HMBOX1: variants seen among roughly 807,000 people sequenced by gnomAD.
The protein encoded by HMBOX1 is homeobox-containing protein 1.
Under a neutral mutation model 54.5 loss-of-function variants are expected in HMBOX1, and 14 were observed. The observed-to-expected ratio is 0.26, with a 90% CI of 0.17 to 0.40. The LOEUF is 0.40. Among genes scored for constraint, HMBOX1 ranks in the 10% least tolerant of loss-of-function variants. The pLI, the probability that HMBOX1 is intolerant of heterozygous loss-of-function variation, is 1.00. For missense variants in HMBOX1, 332 were observed against 514.4 expected (o/e 0.65, Z 3.43); for synonymous variants, 160 against 181.0 (o/e 0.88, Z 0.93).
chr8:29,038,182 G>T (rs1222777888), intron 6 of HMBOX1, among the ~76,000 whole-genome samples: 1 of 151,924 alleles, frequency 6.6e-6, no homozygotes, highest in African/African-American at 2.4e-5. Flanking sequence ...AGTGGTTCAA[G>T]GACATTTCCA....
At chr8:28,980,183 G>C in intron 4 of HMBOX1, 27 bp downstream of exon 4, 1 of 1,506,096 alleles carries the variant, frequency 6.6e-7, no homozygotes, top group South Asian at 1.1e-5. Flanking sequence ...CCTTTATTCT[G>C]GAATCATGTG....
rs536086170 is a variant in HMBOX1, at chr8:28,967,346, A to G, written c.24-2697A>G. 6.4e-4 allele frequency among the ~76,000 whole-genome samples: 97 copies of G among 152,332 alleles called. 1 individual carries two copies. Among genetic ancestry groups the G allele is most frequent in the South Asian group, 1.7e-3 (8 of 4,826 alleles). ...GGAATAAAAGTGGTTCTAATAGTCA[A>G]TGAATCTGAAATGACACAAAATATT... On this transcript the variant is annotated intron_variant, in intron 2 of 9. Coordinates refer to ENST00000287701, the MANE Select transcript of HMBOX1 (RefSeq NM_001135726.3).
At chr8:29,031,752 G>A (rs528879917) in intron 6 of HMBOX1, among the ~76,000 whole-genome samples, 20 of 152,218 alleles carry the variant, frequency 1.3e-4, no homozygotes, top group African/African-American at 3.6e-4. Context: ...ACTGTGCCCC[G>A]TGCTGAGGAG....
intron 1 of HMBOX1, among the ~76,000 whole-genome samples, chr8:28,947,822 C>T (rs1039344314): frequency 6.6e-6 from 1 of 152,158 alleles, no homozygotes; most frequent in Non-Finnish European, 1.5e-5. Flanking sequence ...ACAGCTCTAA[C>T]CATATTGTCT....
intron 2 of HMBOX1, among the ~76,000 whole-genome samples, chr8:28,966,648 T>C (rs536811787): frequency 6.6e-6 from 1 of 152,320 alleles, no homozygotes; most frequent in East Asian, 1.9e-4. Flanking sequence ...CCTTTGTTTA[T>C]ATTAATACAC....
chr8:29,002,828 G>A (rs1832847395), intron 4 of HMBOX1, among the ~76,000 whole-genome samples: 1 of 152,120 alleles, frequency 6.6e-6, no homozygotes, highest in Admixed American at 6.6e-5. Flanking sequence ...ATATATGCTT[G>A]GAGTGATGAT....
chr8:28,960,789 T>G (rs1444013291), intron 1 of HMBOX1, among the ~76,000 whole-genome samples: 34 of 94,708 alleles, frequency 3.6e-4, no homozygotes, highest in African/African-American at 8.8e-4. Flanking sequence ...TTTTTTTTTT[T>G]TTTTTTTTTT....
intron 4 of HMBOX1, among the ~76,000 whole-genome samples, chr8:29,005,842 G>C (rs1833375567): frequency 6.6e-6 from 1 of 152,026 alleles, no homozygotes; most frequent in Non-Finnish European, 1.5e-5. Flanking sequence ...TATGGCTTTT[G>C]TGTATGTGTG....
intron 6 of HMBOX1, among the ~76,000 whole-genome samples, chr8:29,029,902 T>C (rs1173574075): frequency 1.3e-5 from 2 of 152,132 alleles, no homozygotes; most frequent in Non-Finnish European, 2.9e-5. Context: ...TTTGTACTTC[T>C]TGTTTCTCTT....
intron 9 of HMBOX1, chr8:29,050,314 GCC>G: frequency 1.5e-5 from 10 of 675,418 alleles, no homozygotes; most frequent in Non-Finnish European, 1.8e-5. Context: ...ATCCTGCAAT[GCC>G]AGCTTCCTTC....
intron 1 of HMBOX1, among the ~76,000 whole-genome samples, chr8:28,893,873 T>G (rs570560382): frequency 6.6e-6 from 1 of 152,342 alleles, no homozygotes; most frequent in Non-Finnish European, 1.5e-5. Flanking sequence ...CCGTGCAATT[T>G]AGTTCTGTTC....
chr8:28,928,060 G>A (rs1304545630), intron 1 of HMBOX1, among the ~76,000 whole-genome samples: 2 of 150,456 alleles, frequency 1.3e-5, no homozygotes, highest in East Asian at 2.0e-4. Context: ...ACTTGAACTC[G>A]GGAGGTGGAG....
intron 6 of HMBOX1, among the ~76,000 whole-genome samples, chr8:29,024,330 G>A (rs1801677846): frequency 6.6e-6 from 1 of 152,130 alleles, no homozygotes; most frequent in African/African-American, 2.4e-5. Context: ...AATGTTAGGA[G>A]CATTCTTACT....
intron 1 of HMBOX1, among the ~76,000 whole-genome samples, chr8:28,960,754 TTTTTCTTTTTC>T (rs1241705631): frequency 0.11 from 2,224 of 20,560 alleles, 44 homozygotes; most frequent in East Asian, 0.14. Flanking sequence ...TCTCTTTTTC[TTTTTCTTTTTC>T]TTTTTTTTTT....
intron 4 of HMBOX1, among the ~76,000 whole-genome samples, chr8:29,003,328 G>C (rs1034086330): frequency 6.6e-6 from 1 of 151,284 alleles, no homozygotes; most frequent in African/African-American, 2.4e-5. Flanking sequence ...TCGAATAATA[G>C]GTTCATGTTT....
intron 6 of HMBOX1, among the ~76,000 whole-genome samples, chr8:29,030,151 T>A (rs1181156858): frequency 6.6e-6 from 1 of 151,884 alleles, no homozygotes; most frequent in Non-Finnish European, 1.5e-5. Context: ...GCATATCTTA[T>A]ATTTTCTGAA....
rs1424477421 is a variant in HMBOX1, at chr8:29,051,509, A to T, written c.*354A>T. On this transcript the variant is annotated 3_prime_UTR_variant, in exon 10 of 10. Transcript: ENST00000287701. Reference sequence around the variant, plus strand: ...TACGTGTAAAATCTTGGGTACCTTTAGATTCTTGTAACACTAGTCTGTACT... The same window carrying T: ...TACGTGTAAAATCTTGGGTACCTTTTGATTCTTGTAACACTAGTCTGTACT... 2 of 702,760 alleles carry T rather than the reference A, an allele frequency of 2.8e-6. No homozygotes were observed. Among genetic ancestry groups the T allele is most frequent in the Admixed American group, 4.0e-5 (2 of 49,974 alleles). The allele number at this position is 702,760 out of a possible 1,614,324, so 43.5% of individuals were successfully genotyped here.
chr8:29,011,661 T>C (rs531335587), intron 5 of HMBOX1, among the ~76,000 whole-genome samples: 1 of 152,252 alleles, frequency 6.6e-6, no homozygotes, highest in Non-Finnish European at 1.5e-5. Context: ...TGTGGAATAC[T>C]AACTACAGGA....
chr8:28,996,636 T>G (rs1831893050), intron 4 of HMBOX1, among the ~76,000 whole-genome samples: 1 of 152,218 alleles, frequency 6.6e-6, no homozygotes, highest in African/African-American at 2.4e-5. Context: ...TATTGTTTTG[T>G]TGTTTTGTTT....
Sources: gnomAD v4.1 joint callset for allele counts (sites outside exome capture counted in the v4.1 genomes callset) on GRCh38, gnomAD v4.1.1 for gene constraint, MANE v1.5 for transcripts, NCBI Gene and HGNC (gene_info 2026-07-23, HGNC 2026-07-21) for gene names.